The following DNAH7 variants were observed in gnomAD, a reference collection of about 807,000 sequenced individuals.
The protein encoded by DNAH7 is axonemal beta dynein heavy chain 7.
In DNAH7, 397 loss-of-function variants were observed where a neutral mutation model predicts 444.6. The ratio of observed to expected loss-of-function variants is 0.89; its 90% CI spans 0.82 to 0.97. The LOEUF is 0.97. Ranked by LOEUF, DNAH7 falls within the 50% of genes least tolerant of loss-of-function variation. The probability of loss-of-function intolerance (pLI) is 0.00; values close to 1 mark genes in which losing one functional copy is unlikely to be tolerated. For missense variants in DNAH7, 4,902 were observed against 4,800.8 expected (o/e 1.02, Z -0.62); for synonymous variants, 1,636 against 1,624.4 (o/e 1.01, Z -0.17).
intron 17 of DNAH7, among the ~76,000 whole-genome samples, chr2:195,963,633 C>A (rs1205203656): frequency 2.6e-5 from 4 of 152,122 alleles, no homozygotes; most frequent in African/African-American, 9.7e-5. Flanking sequence ...CATTTGTCCA[C>A]TTTTGCTTTG....
At chr2:195,844,105 C>CAA (rs78757110) in intron 47 of DNAH7, among the ~76,000 whole-genome samples, 2 of 151,762 alleles carry the variant, frequency 1.3e-5, no homozygotes, top group East Asian at 1.9e-4. Flanking sequence ...CAAAAAAAAA[C>CAA]AAAAAACCCA....
chr2:195,957,072 G>A (rs533549471), intron 19 of DNAH7, among the ~76,000 whole-genome samples, 189 bp downstream of exon 19: 1 of 152,112 alleles, frequency 6.6e-6, no homozygotes, highest in African/African-American at 2.4e-5. Flanking sequence ...GAGTAATCAG[G>A]ACAAAATACC....
intron 40 of DNAH7, 37 bp downstream of exon 40, chr2:195,872,213 T>C: frequency 6.8e-7 from 1 of 1,481,398 alleles, no homozygotes; most frequent in Non-Finnish European, 9.3e-7. Flanking sequence ...AATCTTTGTT[T>C]CTCACATAAT....
At chr2:195,891,047 C>T (rs887969845) in intron 31 of DNAH7, among the ~76,000 whole-genome samples, 8 of 152,256 alleles carry the variant, frequency 5.3e-5, no homozygotes, top group East Asian at 1.9e-4. Context: ...TATTGGTCTG[C>T]GGATTCTTTT....
chr2:195,893,554 T>C (rs558837019), intron 30 of DNAH7: 1 of 151,982 alleles, frequency 6.6e-6, no homozygotes, highest in African/African-American at 2.4e-5. Flanking sequence ...TCTTAAACAA[T>C]AAAACAAGCT....
chr2:195,992,200 A>G (rs891127299), intron 12 of DNAH7, among the ~76,000 whole-genome samples: 7 of 152,198 alleles, frequency 4.6e-5, no homozygotes, highest in Non-Finnish European at 1.0e-4. Flanking sequence ...TTTCCCATAC[A>G]GGAAAAAAAA....
At chr2:195,827,469 G>A (rs1697824889) in intron 48 of DNAH7, among the ~76,000 whole-genome samples, 1 of 152,058 alleles carries the variant, frequency 6.6e-6, no homozygotes, top group Non-Finnish European at 1.5e-5. Context: ...GGTAAAGACA[G>A]GGCTTCACCA....
At chr2:195,830,890 A>C (rs1215179642) in intron 48 of DNAH7, among the ~76,000 whole-genome samples, 1 of 152,204 alleles carries the variant, frequency 6.6e-6, no homozygotes, top group East Asian at 1.9e-4. Context: ...TGTTGTTTTT[A>C]GTGCCTACCA....
intron 51 of DNAH7, among the ~76,000 whole-genome samples, chr2:195,815,913 A>T (rs1353712969): frequency 6.6e-6 from 1 of 152,164 alleles, no homozygotes; most frequent in Non-Finnish European, 1.5e-5. Context: ...GAATGGTGTG[A>T]ACCCGGGAGG....
At chr2:196,005,934 C>A (rs959339485) in intron 10 of DNAH7, among the ~76,000 whole-genome samples, 29 of 149,958 alleles carry the variant, frequency 1.9e-4, no homozygotes, top group African/African-American at 6.8e-4. Context: ...CACACACACA[C>A]AAAAACTACA....
intron 41 of DNAH7, 22 bp from the exon 42 acceptor site, chr2:195,861,968 T>C (rs1197897153): frequency 6.4e-7 from 1 of 1,553,076 alleles, no homozygotes; most frequent in Admixed American, 1.7e-5. Context: ...ATAAATGCTT[T>C]AGCATTTTAT....
chr2:196,003,638 A>C (rs576793783), intron 10 of DNAH7, among the ~76,000 whole-genome samples: 10 of 152,328 alleles, frequency 6.6e-5, no homozygotes, highest in Non-Finnish European at 1.3e-4. Context: ...TAAAAATTTC[A>C]TGAAAGAAGG....
intron 63 of DNAH7, among the ~76,000 whole-genome samples, chr2:195,744,399 G>A (rs961862162): frequency 3.9e-5 from 6 of 152,150 alleles, no homozygotes; most frequent in African/African-American, 1.4e-4. Context: ...GCTCAAGGAG[G>A]CCTGCCTACC....
At chr2:196,003,676 G>C (rs910713355) in intron 10 of DNAH7, among the ~76,000 whole-genome samples, 10 of 152,188 alleles carry the variant, frequency 6.6e-5, no homozygotes, top group African/African-American at 2.4e-4. Flanking sequence ...TTGAAGGACA[G>C]AAGAGAGTCT....
At chr2:195,805,951 T>C (rs1340428463) in intron 54 of DNAH7, among the ~76,000 whole-genome samples, 1 of 152,106 alleles carries the variant, frequency 6.6e-6, no homozygotes, top group Non-Finnish European at 1.5e-5. Flanking sequence ...TCTGCTTTAT[T>C]TTTTTTTCTT....
At chr2:195,768,230 A>G (rs1358868968) in intron 61 of DNAH7, among the ~76,000 whole-genome samples, 1 of 148,380 alleles carries the variant, frequency 6.7e-6, no homozygotes, top group Non-Finnish European at 1.5e-5. Flanking sequence ...TAAGATATAT[A>G]TAGAGAAAAG....
chr2:195,891,950 CAA>C, intron 30 of DNAH7, 146 bp from the exon 31 acceptor site: 1 of 538,284 alleles, frequency 1.9e-6, no homozygotes. Context: ...CATACAAGGT[CAA>C]TATATAAAAT....
chr2:195,932,271 T>C (rs1688751646), intron 21 of DNAH7, among the ~76,000 whole-genome samples: 1 of 152,216 alleles, frequency 6.6e-6, no homozygotes, highest in Non-Finnish European at 1.5e-5. Flanking sequence ...ATTGATTTTG[T>C]ATCCTGAGAC....
At chr2:195,900,754 T>C in intron 27 of DNAH7, 1 of 263,930 alleles carries the variant, frequency 3.8e-6, no homozygotes, top group Non-Finnish European at 7.2e-6. Context: ...GTGACTATAG[T>C]TAAAAATAAT....
Sources: allele counts gnomAD v4.1 joint callset (sites outside exome capture counted in the v4.1 genomes callset), GRCh38; gene constraint gnomAD v4.1.1; transcripts MANE v1.5; gene names NCBI Gene and HGNC (gene_info 2026-07-23, HGNC 2026-07-21).